Variants in SMIM41 observed in about 807,000 individuals in gnomAD.
The protein encoded by SMIM41 is small integral membrane protein 41.
rs575563496 is a variant in SMIM41, at chr12:52,085,042, G to A, written c.*195+1074G>A. 3.2e-4 allele frequency among the ~76,000 whole-genome samples: 49 copies of A among 152,256 alleles called. No homozygotes were observed. In the South Asian group the frequency reaches 9.1e-3, roughly 28 times the overall value. ...TTTCCAGCCTGAATACTGTGTGTGC[G>A]GTGGTGCCACCCACTGAGAGGATGT... is the stretch of plus-strand genomic sequence containing the variant. On this transcript the variant is annotated intron_variant, in intron 2 of 2. Coordinates refer to ENST00000546390, the MANE Select transcript of SMIM41 (RefSeq NM_001369216.1).
chr12:52,104,126 TA>T (rs1256907579), intron 2 of SMIM41: 2 of 152,190 alleles, frequency 1.3e-5, no homozygotes, highest in Non-Finnish European at 2.9e-5. Flanking sequence ...GTTGGATCTT[TA>T]AAAAGAAAAG....
intron 2 of SMIM41, among the ~76,000 whole-genome samples, chr12:52,097,257 G>A (rs954459572): frequency 1.3e-5 from 2 of 152,038 alleles, no homozygotes; most frequent in African/African-American, 4.8e-5. Flanking sequence ...GCCACGATGC[G>A]GGGAGTACTA....
rs1292929047 is a variant in SMIM41 at position 52,107,978 on chromosome 12, C to G, written c.*795C>G. Reference sequence around the variant, plus strand: ...TTGGTTTTCTTCCCATCTCGGGGACCCTTTTCTCTTACTATAAAATTGTTT... The same window carrying G: ...TTGGTTTTCTTCCCATCTCGGGGACGCTTTTCTCTTACTATAAAATTGTTT... On this transcript the variant is annotated 3_prime_UTR_variant, in exon 3 of 3. Transcript: ENST00000546390. The G allele has an allele frequency of 3.9e-6, 1 of 256,426 alleles. No individual in the cohort carries two copies. Among genetic ancestry groups the G allele is most frequent in the Non-Finnish European group, 7.6e-6 (1 of 131,142 alleles). 15.9% of individuals were successfully genotyped at this position (256,426 alleles called of 1,614,324 possible). A position where few individuals can be genotyped will look rare whatever the true frequency, so the allele number is the denominator to read the frequency against.
chr12:52,097,464 G>A (rs1367599118), intron 2 of SMIM41, among the ~76,000 whole-genome samples: 1 of 151,994 alleles, frequency 6.6e-6, no homozygotes, highest in Non-Finnish European at 1.5e-5. Context: ...CTGGGGTGTG[G>A]ACACTCCCCG....
intron 2 of SMIM41, among the ~76,000 whole-genome samples, chr12:52,095,951 C>T (rs1316467721): frequency 6.6e-6 from 1 of 152,018 alleles, no homozygotes; most frequent in Non-Finnish European, 1.5e-5. Context: ...ATCAACCTCT[C>T]CGCCTTTGAA....
intron 2 of SMIM41, among the ~76,000 whole-genome samples, chr12:52,096,236 T>C (rs968564826): frequency 2.0e-5 from 3 of 151,660 alleles, no homozygotes; most frequent in Non-Finnish European, 4.4e-5. Context: ...CCTGCGATAC[T>C]GGGAGTAATA....
In SMIM41 at chr12:52,097,005, T is replaced by G. The variant is rs375585155; in HGVS notation, c.*196-10374T>G. 4.5e-4 allele frequency among the ~76,000 whole-genome samples: 68 copies of G among 152,218 alleles called. No homozygotes were observed. In the East Asian group the frequency reaches 0.013, roughly 29 times the overall value. ...ATCCAGAAGGTGTAGACCTACCCTG[T>G]GATATTGTCCCTAATATCCAAAGGT... On this transcript the variant is annotated intron_variant, in intron 2 of 2. Transcript: ENST00000546390.
chr12:52,104,682 G>A (rs976940683), intron 2 of SMIM41, among the ~76,000 whole-genome samples: 13 of 151,024 alleles, frequency 8.6e-5, no homozygotes, highest in African/African-American at 2.9e-4. Context: ...TCGGGGGGGG[G>A]CGGTCTCAGA....
chr12:52,102,848 CT>C (rs1940247262), intron 2 of SMIM41, among the ~76,000 whole-genome samples: 1 of 151,244 alleles, frequency 6.6e-6, no homozygotes, highest in Admixed American at 6.6e-5. Context: ...CGCAGTTGCA[CT>C]TGTGGGTTCC....
intron 2 of SMIM41, among the ~76,000 whole-genome samples, chr12:52,085,307 G>T (rs1939877486): frequency 6.6e-6 from 1 of 152,146 alleles, no homozygotes; most frequent in Non-Finnish European, 1.5e-5. Context: ...CAAGGACTCT[G>T]GAATCACATG....
Position 52,080,125 on chromosome 12 carries a change from A to G in SMIM41, c.*64A>G. On this transcript the variant is annotated 3_prime_UTR_variant, in exon 1 of 3. Coordinates refer to ENST00000546390, the MANE Select transcript of SMIM41 (RefSeq NM_001369216.1). Reference sequence around the variant, plus strand: ...CCCCTGACTCCGAGCGGTCCGGAGCATGCCCGACGGCTGCTGCGGTCCCGA... The same window carrying G: ...CCCCTGACTCCGAGCGGTCCGGAGCGTGCCCGACGGCTGCTGCGGTCCCGA... 1 of 347,288 alleles carries G rather than the reference A, an allele frequency of 2.9e-6. No individual in the cohort carries two copies. The highest frequency in any genetic ancestry group is 5.2e-6 in the Non-Finnish European group (1 of 192,930). 21.5% of individuals were successfully genotyped at this position (347,288 alleles called of 1,614,324 possible). A position where few individuals can be genotyped will look rare whatever the true frequency, so the allele number is the denominator to read the frequency against.
At position 52,081,030 on chromosome 12, in the gene SMIM41, G is replaced by A. The variant is rs1454096015; in HGVS notation, c.*120+849G>A. The stretch of plus-strand genomic sequence containing the variant: ...GGGCTGAGGATTTCCAGCTGTGGGG[G>A]CTCTGTCTGGGTGTCTCCCTCTGTC... On this transcript the variant is annotated intron_variant, in intron 1 of 2. Coordinates refer to ENST00000546390, the MANE Select transcript of SMIM41 (RefSeq NM_001369216.1). The surrounding 1 kb of genome is among the most constrained non-coding windows in gnomAD (Gnocchi z 4.1). Among the ~76,000 whole-genome samples, 3 of 152,152 alleles carry A rather than the reference G, an allele frequency of 2.0e-5. No homozygotes were observed. The highest frequency in any genetic ancestry group is 4.4e-5 in the Non-Finnish European group (3 of 68,006).
intron 2 of SMIM41, among the ~76,000 whole-genome samples, chr12:52,095,169 A>C (rs1940068612): frequency 6.6e-6 from 1 of 151,520 alleles, no homozygotes; most frequent in African/African-American, 2.4e-5. Flanking sequence ...GCTGTTCTTG[A>C]ACTCCTGGGC....
chr12:52,081,258 C>G lies in SMIM41; in HGVS notation c.*120+1077C>G, dbSNP rs1939815087. ...TCAGGGGTGACTTTGGCCTCTCTTG[C>G]CCCCCCTCCCCCGATTCTGGAGCCC... On this transcript the variant is annotated intron_variant, in intron 1 of 2. Coordinates refer to ENST00000546390, the MANE Select transcript of SMIM41 (RefSeq NM_001369216.1). This position sits in a 1 kb window ranked among gnomAD's most constrained non-coding sequence, Gnocchi z 4.1. Among the ~76,000 whole-genome samples the G allele has an allele frequency of 6.6e-6, 1 of 151,218 alleles. No individual in the cohort carries two copies. Among genetic ancestry groups the G allele is most frequent in the African/African-American group, 2.4e-5 (1 of 41,294 alleles).
At chr12:52,100,435 G>A (rs974276663) in intron 2 of SMIM41, among the ~76,000 whole-genome samples, 12 of 151,634 alleles carry the variant, frequency 7.9e-5, no homozygotes, top group African/African-American at 2.4e-4. Flanking sequence ...CAACCCCTGC[G>A]AGAATGGGAG....
At chr12:52,100,622 A>ATTTT (rs1173057236) in intron 2 of SMIM41, among the ~76,000 whole-genome samples, 52 of 111,118 alleles carry the variant, frequency 4.7e-4, no homozygotes, top group East Asian at 1.3e-3. Flanking sequence ...GCGCCCAGCT[A>ATTTT]TTTTTTTTTT....
chr12:52,102,722 C>G (rs960987451), intron 2 of SMIM41, among the ~76,000 whole-genome samples: 1 of 151,964 alleles, frequency 6.6e-6, no homozygotes, highest in Non-Finnish European at 1.5e-5. Flanking sequence ...ATTGGTGAAA[C>G]GAGAGGGAAG....
chr12:52,099,964 G>GA (rs1719840792), intron 2 of SMIM41, among the ~76,000 whole-genome samples: 2 of 151,866 alleles, frequency 1.3e-5, no homozygotes, highest in African/African-American at 4.8e-5. Context: ...AGGTCACGGG[G>GA]GGTTGTGTAC....
intron 2 of SMIM41, among the ~76,000 whole-genome samples, chr12:52,088,567 C>T (rs571851829): frequency 7.2e-5 from 11 of 152,302 alleles, no homozygotes; most frequent in Middle Eastern, 3.4e-3. Flanking sequence ...CAGCTGTCCC[C>T]GATTCCCCTC....
Sources: gnomAD v4.1 joint callset for allele counts (sites outside exome capture counted in the v4.1 genomes callset) on GRCh38, gnomAD v4.1.1 for gene constraint, Gnocchi (gnomAD v3.1) non-coding constraint, MANE v1.5 for transcripts, NCBI Gene and HGNC (gene_info 2026-07-23, HGNC 2026-07-21) for gene names.